The following PTPRK variants were observed in gnomAD, a reference collection of about 807,000 sequenced individuals.
PTPRK encodes the protein protein tyrosine phosphatase receptor type K, also known as receptor-type tyrosine-protein phosphatase kappa.
In PTPRK, 75 loss-of-function variants were observed where a neutral mutation model predicts 178.0. That is an observed-to-expected ratio of 0.42 (90% CI 0.35 to 0.51). The LOEUF (loss-of-function observed/expected upper bound fraction) is 0.51, where lower values mean the gene tolerates loss of function less well. Among genes scored for constraint, PTPRK ranks in the 20% least tolerant of loss-of-function variants. The pLI, the probability that PTPRK is intolerant of heterozygous loss-of-function variation, is 0.02. For missense variants in PTPRK, 1,441 were observed against 1,797.8 expected, an observed-to-expected ratio of 0.80 and a Z score of 3.59; for synonymous variants, 637 against 620.6, an observed-to-expected ratio of 1.03 and a Z score of -0.39.
At chr6:128,319,177 T>C (rs527619956) in intron 3 of PTPRK, among the ~76,000 whole-genome samples, 39 of 152,318 alleles carry the variant, frequency 2.6e-4, no homozygotes, top group Admixed American at 1.6e-3. Context: ...AAAAGAATTC[T>C]AGTCTCATTT....
intron 2 of PTPRK, among the ~76,000 whole-genome samples, chr6:128,396,030 T>C (rs1182980960): frequency 6.6e-6 from 1 of 152,122 alleles, no homozygotes; most frequent in African/African-American, 2.4e-5. Flanking sequence ...GTGCTTGTGA[T>C]AAATTGTTTA....
At chr6:128,256,809 C>T (rs1269462805) in intron 3 of PTPRK, among the ~76,000 whole-genome samples, 1 of 152,036 alleles carries the variant, frequency 6.6e-6, no homozygotes, top group Non-Finnish European at 1.5e-5. Context: ...AGTTTTAAAA[C>T]ACTGCAAAAA....
intron 1 of PTPRK, chr6:128,472,697 T>C (rs985436806): frequency 1.4e-5 from 5 of 356,294 alleles, no homozygotes; most frequent in South Asian, 4.7e-5. Flanking sequence ...TTCAATAATA[T>C]ATATTTCCAA....
chr6:128,432,209 A>G (rs1287605360), intron 1 of PTPRK, among the ~76,000 whole-genome samples: 1 of 152,272 alleles, frequency 6.6e-6, no homozygotes, highest in Admixed American at 6.5e-5. Flanking sequence ...TTTACAAAAT[A>G]GGTAGACTGT....
At chr6:128,023,906 G>A (rs1346047979) in intron 13 of PTPRK, among the ~76,000 whole-genome samples, 1 of 151,686 alleles carries the variant, frequency 6.6e-6, no homozygotes, top group East Asian at 1.9e-4. Context: ...CTGGGTTCAA[G>A]CAATCTGCCT....
chr6:127,977,102 T>A, intron 25 of PTPRK, 48 bp from the exon 26 acceptor site: 1 of 1,579,434 alleles, frequency 6.3e-7, no homozygotes, highest in South Asian at 1.1e-5. Context: ...TTAAAATGTA[T>A]GATCGGTTGT....
chr6:128,498,623 G>C (rs1487326927), intron 1 of PTPRK, among the ~76,000 whole-genome samples: 1 of 151,976 alleles, frequency 6.6e-6, no homozygotes, highest in Non-Finnish European at 1.5e-5. Context: ...AAGTCTTCAG[G>C]ATATATACTG....
chr6:128,465,760 C>A (rs937885495), intron 1 of PTPRK, among the ~76,000 whole-genome samples: 8 of 152,022 alleles, frequency 5.3e-5, no homozygotes, highest in African/African-American at 1.7e-4. Flanking sequence ...TGATTAGAGA[C>A]CCTCACAGGT....
intron 3 of PTPRK, among the ~76,000 whole-genome samples, chr6:128,258,379 G>T (rs1275330131): frequency 6.6e-6 from 1 of 152,066 alleles, no homozygotes; most frequent in Non-Finnish European, 1.5e-5. Flanking sequence ...TGGTTTAACT[G>T]GCTAATATCT....
intron 7 of PTPRK, among the ~76,000 whole-genome samples, chr6:128,099,847 G>A (rs1321287170): frequency 1.3e-5 from 2 of 151,972 alleles, no homozygotes; most frequent in African/African-American, 4.8e-5. Flanking sequence ...CAATAGTTGT[G>A]AAGTCTTATA....
rs565727859 is a variant in PTPRK at position 128,465,745 on chromosome 6, T to G, written c.100+54514A>C. The stretch of plus-strand genomic sequence containing the variant: ...GCTCTCTTGGGCATGGGACTATCCA[T>G]GAGGTGATTAGAGACCCTCACAGGT... On this transcript the variant is annotated intron_variant, in intron 1 of 29. Coordinates refer to ENST00000368226, the MANE Select transcript of PTPRK (RefSeq NM_002844.4). Among the ~76,000 whole-genome samples, 5 of 152,282 alleles carry G rather than the reference T, an allele frequency of 3.3e-5. No individual in the cohort carries two copies. The East Asian group carries it at 9.7e-4, about 29-fold the overall frequency.
intron 3 of PTPRK, among the ~76,000 whole-genome samples, chr6:128,292,517 T>C (rs889537522): frequency 2.0e-5 from 3 of 152,080 alleles, no homozygotes; most frequent in Admixed American, 2.0e-4. Flanking sequence ...TGGTTTCTAT[T>C]TCAGATATTA....
At chr6:128,306,447 C>G (rs1260784617) in intron 3 of PTPRK, among the ~76,000 whole-genome samples, 1 of 151,972 alleles carries the variant, frequency 6.6e-6, no homozygotes, top group African/African-American at 2.4e-5. Context: ...ACAGAGAGAG[C>G]CTTAGGGACC....
chr6:128,503,513 C>A (rs1274795079), intron 1 of PTPRK, among the ~76,000 whole-genome samples: 2 of 152,174 alleles, frequency 1.3e-5, no homozygotes, highest in African/African-American at 4.8e-5. Flanking sequence ...GGGACTTAGT[C>A]AACTAAATCA....
At chr6:128,477,040 A>G (rs1352649145) in intron 1 of PTPRK, among the ~76,000 whole-genome samples, 6 of 152,080 alleles carry the variant, frequency 3.9e-5, no homozygotes, top group African/African-American at 1.2e-4. Flanking sequence ...TTTTATGAAG[A>G]AGTCAGAGCA....
intron 1 of PTPRK, among the ~76,000 whole-genome samples, chr6:128,480,197 C>T (rs188386685): frequency 6.6e-6 from 1 of 152,220 alleles, no homozygotes; most frequent in Admixed American, 6.5e-5. Flanking sequence ...TGGCTGAAAC[C>T]CAGGAGCCAT....
chr6:128,264,452 G>C (rs1316756689), intron 3 of PTPRK, among the ~76,000 whole-genome samples: 1 of 151,998 alleles, frequency 6.6e-6, no homozygotes, highest in Admixed American at 6.6e-5. Flanking sequence ...ATTTACTTTG[G>C]ATAGGTCTTT....
chr6:128,406,799 T>C lies in PTPRK; in HGVS notation c.101-9111A>G, dbSNP rs2128375663. Among the ~76,000 whole-genome samples, 5 of 152,222 alleles carry C rather than the reference T, an allele frequency of 3.3e-5. 1 individual carries two copies. In the South Asian group the frequency reaches 1.0e-3, roughly 32 times the overall value. The stretch of plus-strand genomic sequence containing the variant: ...ATCACAGTAACTTTCTCCTCAAATT[T>C]CCTCCCTCAGTTGAGTGCATATGGT... On this transcript the variant is annotated intron_variant, in intron 1 of 29. Transcript: ENST00000368226.
At chr6:128,193,191 A>G (rs1804151839) in intron 6 of PTPRK, among the ~76,000 whole-genome samples, 1 of 143,250 alleles carries the variant, frequency 7.0e-6, no homozygotes, top group Non-Finnish European at 1.5e-5. Flanking sequence ...TTACTCTTTA[A>G]TTAAAAGAGT....
Sources: gnomAD v4.1 joint callset for allele counts (sites outside exome capture counted in the v4.1 genomes callset) on GRCh38, gnomAD v4.1.1 for gene constraint, MANE v1.5 for transcripts, NCBI Gene and HGNC (gene_info 2026-07-23, HGNC 2026-07-21) for gene names.